RPA1: variants seen among roughly 807,000 people sequenced by gnomAD.
RPA1 encodes replication protein A1.
A neutral mutation model predicts 83.0 loss-of-function variants in RPA1; 49 were observed. That is an observed-to-expected ratio of 0.59 (90% CI 0.47 to 0.75). The LOEUF (loss-of-function observed/expected upper bound fraction) is 0.75, where lower values mean the gene tolerates loss of function less well. RPA1 is among the 30% of genes least tolerant of loss of function. The pLI, the probability that RPA1 is intolerant of heterozygous loss-of-function variation, is 0.00. For synonymous variants in RPA1, 279 were observed against 281.8 expected, an observed-to-expected ratio of 0.99 and a Z score of 0.10; for missense variants, 693 against 776.1, an observed-to-expected ratio of 0.89 and a Z score of 1.27.
At chr17:1,869,222 G>A (rs1004640716) in intron 5 of RPA1, among the ~76,000 whole-genome samples, 2 of 152,128 alleles carry the variant, frequency 1.3e-5, no homozygotes, top group African/African-American at 4.8e-5. Context: ...ATAATTTGAG[G>A]TGCTAAGAGT....
intron 3 of RPA1, 23 bp from the exon 4 acceptor site, chr17:1,844,555 A>G: frequency 6.3e-7 from 1 of 1,599,832 alleles, no homozygotes; most frequent in Non-Finnish European, 8.6e-7. Flanking sequence ...TTTGGAGGCT[A>G]AAGAAATCTC....
Position 1,861,923 on chromosome 17 carries a change from G to A in RPA1, c.361+8734G>A, listed in dbSNP as rs148512668. Among the ~76,000 whole-genome samples the A allele has an allele frequency of 9.1e-4, 137 of 150,632 alleles. No homozygotes were observed. In the East Asian group the frequency reaches 0.02, roughly 22 times the overall value. On this transcript the variant is annotated intron_variant, in intron 5 of 16. Coordinates refer to ENST00000254719, the MANE Select transcript of RPA1 (RefSeq NM_002945.5). ...TTTTTATTTTTTTATTTTTTGAGAC[G>A]GAGTCTCACTGTGTCGCCCAGGCTG...
At position 1,832,653 on chromosome 17, in the gene RPA1, C is replaced by T. The variant is rs528598608; in HGVS notation, c.33+2527C>T. Among the ~76,000 whole-genome samples, 5 of 152,258 alleles carry T rather than the reference C, an allele frequency of 3.3e-5. No individual in the cohort carries two copies. In the South Asian group the frequency reaches 1.0e-3, roughly 32 times the overall value. On this transcript the variant is annotated intron_variant, in intron 1 of 16. Coordinates refer to ENST00000254719, the MANE Select transcript of RPA1 (RefSeq NM_002945.5). ...CCACCTGCTTCGGCCTCCCAGAGTG[C>T]TGGGATTACAGGCGTGAGCCACCGC...
chr17:1,891,536 C>CCCGGGTTCAAGTGATTCTCCCGCCTG, intron 14 of RPA1: 1 of 186,424 alleles, frequency 5.4e-6, no homozygotes, highest in Non-Finnish European at 1.1e-5. Context: ...TCTCCCGCCT[C>CCCGGGTTCAAGTGATTCTCCCGCCTG]AGCCTCCTGA....
chr17:1,845,340 C>T (rs1912216879), intron 4 of RPA1, among the ~76,000 whole-genome samples: 1 of 151,278 alleles, frequency 6.6e-6, no homozygotes, highest in South Asian at 2.1e-4. Context: ...TGAGACCAGC[C>T]TGGGTGACAT....
chr17:1,855,359 G>GTT (rs1912652772), intron 5 of RPA1, among the ~76,000 whole-genome samples: 1 of 96,874 alleles, frequency 1.0e-5, no homozygotes, highest in South Asian at 4.2e-4. Flanking sequence ...GTGTGTGTGT[G>GTT]TGTGTGTTTA....
At chr17:1,891,085 T>TA (rs1418847248) in intron 14 of RPA1, among the ~76,000 whole-genome samples, 1 of 152,240 alleles carries the variant, frequency 6.6e-6, no homozygotes, top group African/African-American at 2.4e-5. Context: ...AATGAAGATG[T>TA]AAAATCGTCA....
chr17:1,879,548 C>T lies in RPA1; in HGVS notation c.953-12C>T, dbSNP rs766385119. 12 of 1,614,152 alleles carry T rather than the reference C, an allele frequency of 7.4e-6. No individual in the cohort carries two copies. The East Asian group carries it at 2.7e-4, about 36-fold the overall frequency. ...CTTGACCACCTCCTGCTAACACGTG[C>T]ATGTGTTTTAGACATCATCGGGATC... On this transcript the variant is annotated splice_polypyrimidine_tract_variant and intron_variant, in intron 10 of 16. Coordinates refer to ENST00000254719, the MANE Select transcript of RPA1 (RefSeq NM_002945.5).
intron 16 of RPA1, among the ~76,000 whole-genome samples, chr17:1,895,855 G>A (rs1567831738): frequency 1.3e-5 from 2 of 151,790 alleles, no homozygotes; most frequent in African/African-American, 2.4e-5. Context: ...GCTAATTTTT[G>A]TATTTTTAGT....
At chr17:1,858,183 G>C (rs187906769) in intron 5 of RPA1, 49 of 1,614,010 alleles carry the variant, frequency 3.0e-5, no homozygotes, top group Middle Eastern at 1.7e-4. Context: ...ACATGAGAGG[G>C]AAGACGAGTG....
At chr17:1,885,983 A>C (rs1351760317) in intron 13 of RPA1, among the ~76,000 whole-genome samples, 1 of 152,212 alleles carries the variant, frequency 6.6e-6, no homozygotes, top group African/African-American at 2.4e-5. Flanking sequence ...GAACAGGTGC[A>C]TTGTCAATAT....
chr17:1,874,737 C>A (rs990162804), intron 6 of RPA1, among the ~76,000 whole-genome samples: 1 of 152,158 alleles, frequency 6.6e-6, no homozygotes, highest in South Asian at 2.1e-4. Context: ...TGATCTCTCT[C>A]GACTCCCCAG....
intron 5 of RPA1, chr17:1,858,367 C>G: frequency 6.2e-7 from 1 of 1,604,620 alleles, no homozygotes; most frequent in Non-Finnish European, 8.5e-7. Context: ...GGGAAGAGAC[C>G]AATTTCTGAT....
Position 1,879,657 on chromosome 17 carries a change from C to T in RPA1, c.1050C>T (p.Asp350=). ...CCAAGAGGAATATCTACTTGATGGA[C>T]ACATCCGGGAAGGTGGTGACTGCTA... ...EVAKRNIYLM[D]TSGKVVTATL... Residue 350 remains aspartate (D), a synonymous_variant, in exon 11 of 17, where the codon GAC becomes GAT. Transcript: ENST00000254719. 2 of 1,614,248 alleles carry T rather than the reference C, an allele frequency of 1.2e-6. No homozygotes were observed. Among genetic ancestry groups the T allele is most frequent in the Non-Finnish European group, 1.7e-6 (2 of 1,180,042 alleles).
intron 1 of RPA1, among the ~76,000 whole-genome samples, chr17:1,840,422 G>A (rs544496661): frequency 2.5e-4 from 38 of 152,238 alleles, no homozygotes; most frequent in Non-Finnish European, 2.6e-4. Flanking sequence ...AAATAGCTGG[G>A]ACTACAGGCA....
chr17:1,883,042 A>G (rs1913854824), intron 12 of RPA1, among the ~76,000 whole-genome samples: 1 of 152,130 alleles, frequency 6.6e-6, no homozygotes, highest in South Asian at 2.1e-4. Flanking sequence ...ACTTTGGGCC[A>G]GGAGCAGTGC....
At chr17:1,887,473 C>T (rs1489231923) in intron 13 of RPA1, among the ~76,000 whole-genome samples, 3 of 151,128 alleles carry the variant, frequency 2.0e-5, no homozygotes, top group African/African-American at 4.9e-5. Context: ...GCAGGAGAAT[C>T]GTTTGACCCT....
intron 5 of RPA1, among the ~76,000 whole-genome samples, chr17:1,869,148 G>A (rs1231569688): frequency 6.6e-6 from 1 of 152,178 alleles, no homozygotes; most frequent in African/African-American, 2.4e-5. Context: ...TCTGTTTAGC[G>A]AATTTTTCTC....
chr17:1,880,751 T>TA (rs1244107678), intron 12 of RPA1, 60 bp downstream of exon 12: 19 of 1,598,770 alleles, frequency 1.2e-5, no homozygotes, highest in Non-Finnish European at 1.6e-5. Flanking sequence ...AAAAGCTGGT[T>TA]ACAATCAGCA....
Sources: gnomAD v4.1 joint callset for allele counts (sites outside exome capture counted in the v4.1 genomes callset) on GRCh38, gnomAD v4.1.1 for gene constraint, MANE v1.5 for transcripts, NCBI Gene and HGNC (gene_info 2026-07-23, HGNC 2026-07-21) for gene names.